The following UTS2R variants were observed in gnomAD, a reference collection of about 807,000 sequenced individuals.
UTS2R encodes the protein urotensin 2 receptor, also known as urotensin-2 receptor.
For synonymous variants in UTS2R, 335 were observed against 280.9 expected (o/e 1.19, Z -1.93); for missense variants, 653 against 562.2 (o/e 1.16, Z -1.63).
Position 82,375,459 on chromosome 17 carries a change from C to G in UTS2R, c.1135C>G (p.Arg379Gly), listed in dbSNP as rs760105832. ...CGTGCTGGCCCCAGCGGCCCCGGCC[C>G]GACCTGCGCCCGAGGGTCCCAGGGC... The part of the protein sequence containing the change: ...SLVLAPAAPA[R>G]PAPEGPRAPA The change falls in exon 3 of 3, where the codon CGA becomes GGA. Residue 379 changes from arginine to glycine, a missense_variant. By Grantham distance (125) the Arg-to-Gly change is moderately radical. Coordinates refer to ENST00000313135, the MANE Select transcript of UTS2R (RefSeq NM_018949.3). The G allele has an allele frequency of 2.6e-6, 4 of 1,515,348 alleles. No homozygotes were observed. Among genetic ancestry groups the G allele is most frequent in the Non-Finnish European group, 3.5e-6 (4 of 1,133,982 alleles). The allele number at this position is 1,515,348 out of a possible 1,614,324, so 93.9% of individuals were successfully genotyped here.
rs1255398484 is a variant in UTS2R at position 82,375,193 on chromosome 17, C to G, written c.869C>G (p.Pro290Arg). Residue 290 changes from proline (P) to arginine (R), a missense_variant, in exon 3 of 3, where the codon CCG becomes CGG. By Grantham distance (103) the Pro-to-Arg change is moderately radical. Transcript: ENST00000313135. Reference sequence around the variant, plus strand: ...CAGTACCACCAGGCCCCGCTGGCGCCGCGGACGGCGCGCATCGTCAACTAC... The same window carrying G: ...CAGTACCACCAGGCCCCGCTGGCGCGGCGGACGGCGCGCATCGTCAACTAC... The part of the protein sequence containing the change: ...LAQYHQAPLA[P>R]RTARIVNYLT... The G allele has an allele frequency of 6.4e-7, 1 of 1,561,416 alleles. No individual in the cohort carries two copies. Among genetic ancestry groups the G allele is most frequent in the African/African-American group, 1.4e-5 (1 of 72,710 alleles).
In UTS2R at chr17:82,375,347, C is replaced by G. The variant is rs200857320; in HGVS notation, c.1023C>G (p.Pro341=). Residue 341 remains proline, a synonymous_variant, in exon 3 of 3, where the codon CCC becomes CCG. Transcript: ENST00000313135. ...CGGGCAGCGGGGGAGGCCGGGGGCCCGTTCCCTCCCTGCAGCCCCGCGCCC... is the reference window on the plus strand; with the variant it reads ...CGGGCAGCGGGGGAGGCCGGGGGCCGGTTCCCTCCCTGCAGCCCCGCGCCC... ...RGPGSGGGRG[P]VPSLQPRARF... is the part of the protein sequence containing the mutation. 2 of 1,570,584 alleles carry G rather than the reference C, an allele frequency of 1.3e-6. No individual in the cohort carries two copies. Among genetic ancestry groups the G allele is most frequent in the Non-Finnish European group, 8.6e-7 (1 of 1,162,090 alleles).
At position 82,375,052 on chromosome 17, in the gene UTS2R, G is replaced by C. The variant is rs2143113752; in HGVS notation, c.728G>C (p.Arg243Pro). Reference protein sequence around the residue: ...RLARAYRRSQRASFKRARRPG... With the variant: ...RLARAYRRSQPASFKRARRPG... ...GCCCGCGCCTACCGCCGCTCGCAGCGCGCCTCCTTCAAGCGGGCCCGGCGG... is the reference window on the plus strand; with the variant it reads ...GCCCGCGCCTACCGCCGCTCGCAGCCCGCCTCCTTCAAGCGGGCCCGGCGG... The change falls in exon 3 of 3, where the codon CGC (arginine) becomes CCC (proline). Residue 243 changes from arginine (R) to proline (P), a missense_variant. Physicochemically the swap from Arg to Pro is moderately radical, Grantham distance 103. Coordinates refer to ENST00000313135, the MANE Select transcript of UTS2R (RefSeq NM_018949.3). The C allele has an allele frequency of 7.0e-7, 1 of 1,422,996 alleles. No homozygotes were observed. The highest frequency in any genetic ancestry group is 9.2e-7 in the Non-Finnish European group (1 of 1,092,610). 88.1% of individuals were successfully genotyped at this position (1,422,996 alleles called of 1,614,324 possible).
In UTS2R at chr17:82,375,244, A is replaced by T; in HGVS notation, c.920A>T (p.Asn307Ile). The part of the protein sequence containing the change: ...NYLTTCLTYG[N>I]SCANPFLYTL... ...CTGACCACCTGCCTCACCTACGGCA[A>T]CAGCTGCGCCAACCCCTTCCTCTAC... is the stretch of plus-strand genomic sequence containing the variant. Residue 307 changes from asparagine (N) to isoleucine (I), a missense_variant, in exon 3 of 3, where the codon AAC becomes ATC. Physicochemically the swap from Asn to Ile is moderately radical, Grantham distance 149 (BLOSUM62 -3). Transcript: ENST00000313135. 6.3e-7 allele frequency: 1 copy of T among 1,582,734 alleles called. No homozygotes were observed. The highest frequency in any genetic ancestry group is 2.3e-5 in the East Asian group (1 of 42,946).
At position 82,375,565 on chromosome 17, in the gene UTS2R, C is replaced by A; in HGVS notation, c.*71C>A. 1.7e-6 allele frequency: 1 copy of A among 594,222 alleles called. No homozygotes were observed. The highest frequency in any genetic ancestry group is 2.0e-5 in the African/African-American group (1 of 50,476). 36.8% of individuals were successfully genotyped at this position (594,222 alleles called of 1,614,324 possible). The stretch of plus-strand genomic sequence containing the variant: ...GCCCCAGCCACTCCCGGGAGCCCCC[C>A]CAACTCCCAAATCACAGGCCCTGCC... On this transcript the variant is annotated 3_prime_UTR_variant, in exon 3 of 3. Coordinates refer to ENST00000313135, the MANE Select transcript of UTS2R (RefSeq NM_018949.3).
rs1412378169 is a variant in UTS2R, at chr17:82,374,331, C to T, written c.7C>T (p.Leu3=). MA[L]TPESPSSFPG... The stretch of plus-strand genomic sequence containing the variant: ...CCGTCGTGAGGGGTCAGAGATGGCG[C>T]TGACCCCCGAGTCCCCGAGCAGCTT... Residue 3 remains leucine, a synonymous_variant, in exon 3 of 3, where the codon CTG becomes TTG. Coordinates refer to ENST00000313135, the MANE Select transcript of UTS2R (RefSeq NM_018949.3). The T allele has an allele frequency of 6.4e-7, 1 of 1,568,934 alleles. No homozygotes were observed. Among genetic ancestry groups the T allele is most frequent in the Non-Finnish European group, 8.6e-7 (1 of 1,165,238 alleles).
In UTS2R at chr17:82,375,058, C is replaced by T. The variant is rs199914220; in HGVS notation, c.734C>T (p.Ser245Phe). 1,414 of 1,421,024 alleles carry T rather than the reference C, an allele frequency of 1.0e-3. 11 individuals carry two copies. The Middle Eastern group carries it at 0.012, about 12-fold the overall frequency. The allele number at this position is 1,421,024 out of a possible 1,614,324, so 88.0% of individuals were successfully genotyped here. ...ARAYRRSQRA[S>F]FKRARRPGAR... ...GCCTACCGCCGCTCGCAGCGCGCCT[C>T]CTTCAAGCGGGCCCGGCGGCCGGGG... The change falls in exon 3 of 3, where the codon TCC becomes TTC. Residue 245 changes from serine (S) to phenylalanine (F), a missense_variant. Coordinates refer to ENST00000313135, the MANE Select transcript of UTS2R (RefSeq NM_018949.3).
Position 82,374,235 on chromosome 17 carries a change from C to A in UTS2R, c.-82-8C>A. The A allele has an allele frequency of 9.4e-7, 1 of 1,063,372 alleles. No homozygotes were observed. Among genetic ancestry groups the A allele is most frequent in the Non-Finnish European group, 1.3e-6 (1 of 758,612 alleles). The allele number at this position is 1,063,372 out of a possible 1,614,324, so 65.9% of individuals were successfully genotyped here. A position where few individuals can be genotyped will look rare whatever the true frequency, so the allele number is the denominator to read the frequency against. ...AAGGTGTTGCCTGATTTGCTTCTTT[C>A]CCCACAGGCTGAGCTGGTTGCCCAC... is the stretch of plus-strand genomic sequence containing the variant. On this transcript the variant is annotated splice_polypyrimidine_tract_variant and splice_region_variant and intron_variant, in intron 2 of 2. Coordinates refer to ENST00000313135, the MANE Select transcript of UTS2R (RefSeq NM_018949.3).
Position 82,374,687 on chromosome 17 carries a change from G to C in UTS2R, c.363G>C (p.Val121=), listed in dbSNP as rs202037556. The C allele has an allele frequency of 3.7e-5, 60 of 1,613,254 alleles. No homozygotes were observed. Among genetic ancestry groups the C allele is most frequent in the Non-Finnish European group, 5.0e-5 (59 of 1,179,942 alleles). The part of the protein sequence containing the change: ...YVTKEWHFGD[V]GCRVLFGLDF... Reference sequence around the variant, plus strand: ...CCAAGGAGTGGCACTTCGGGGACGTGGGCTGCCGCGTGCTCTTCGGCCTGG... The same window carrying C: ...CCAAGGAGTGGCACTTCGGGGACGTCGGCTGCCGCGTGCTCTTCGGCCTGG... Residue 121 remains valine, a synonymous_variant, in exon 3 of 3, where the codon GTG becomes GTC. Coordinates refer to ENST00000313135, the MANE Select transcript of UTS2R (RefSeq NM_018949.3).
rs181723835 is a variant in UTS2R at position 82,376,114 on chromosome 17, G to A, written c.*620G>A. Among the ~76,000 whole-genome samples the A allele has an allele frequency of 5.6e-4, 85 of 152,314 alleles. No homozygotes were observed. Among genetic ancestry groups the A allele is most frequent in the Admixed American group, 3.5e-3 (53 of 15,312 alleles). On this transcript the variant is annotated 3_prime_UTR_variant, in exon 3 of 3. Transcript: ENST00000313135. ...GGAGGGGAGGCTCCAGCTGAGGGGTGGAGCAGGGAAGGCACTGCCCAGCAG... is the reference window on the plus strand; with the variant it reads ...GGAGGGGAGGCTCCAGCTGAGGGGTAGAGCAGGGAAGGCACTGCCCAGCAG...
Position 82,374,482 on chromosome 17 carries a change from C to T in UTS2R, c.158C>T (p.Thr53Ile), listed in dbSNP as rs1158954952. 2 of 1,593,314 alleles carry T rather than the reference C, an allele frequency of 1.3e-6. No individual in the cohort carries two copies. The highest frequency in any genetic ancestry group is 1.8e-5 in the Admixed American group (1 of 56,826). ...SSLEDLVATG[T>I]IGTLLSAMGV... ...CTGGAGGACCTGGTGGCCACGGGCA[C>T]CATTGGGACTCTGCTGTCGGCCATG... The change falls in exon 3 of 3, where the codon ACC (threonine) becomes ATC (isoleucine). Residue 53 changes from threonine to isoleucine, a missense_variant. Physicochemically the swap from Thr to Ile is moderately conservative, Grantham distance 89. Transcript: ENST00000313135.
chr17:82,375,176 C>T lies in UTS2R; in HGVS notation c.852C>T (p.His284=), dbSNP rs753754226. The T allele has an allele frequency of 2.1e-5, 33 of 1,551,484 alleles. No individual in the cohort carries two copies. The highest frequency in any genetic ancestry group is 2.6e-5 in the Non-Finnish European group (30 of 1,149,456). The change falls in exon 3 of 3, where the codon CAC becomes CAT. Residue 284 remains histidine (H), a synonymous_variant. Coordinates refer to ENST00000313135, the MANE Select transcript of UTS2R (RefSeq NM_018949.3). ...FWLWQLLAQY[H]QAPLAPRTAR... is the part of the protein sequence containing the mutation. Reference sequence around the variant, plus strand: ...TGTGGCAGCTGCTCGCCCAGTACCACCAGGCCCCGCTGGCGCCGCGGACGG... The same window carrying T: ...TGTGGCAGCTGCTCGCCCAGTACCATCAGGCCCCGCTGGCGCCGCGGACGG...
At chr17:82,372,121 T>A (rs1195465983) in intron 1 of UTS2R, among the ~76,000 whole-genome samples, 74 bp downstream of exon 1, 1 of 151,958 alleles carries the variant, frequency 6.6e-6, no homozygotes, top group Non-Finnish European at 1.5e-5. Context: ...TCCGCAGGGC[T>A]GGGCCGGGGT....
rs35373706 is a variant in UTS2R at position 82,373,832 on chromosome 17, C to G, written c.-82-411C>G. Among the ~76,000 whole-genome samples the G allele has an allele frequency of 7.5e-4, 114 of 152,242 alleles. 1 individual carries two copies. The highest frequency in any genetic ancestry group is 2.7e-3 in the African/African-American group (114 of 41,550). ...TTTAAATGTACAAGTCAAATAAATACGAGAAAGGACTCAGGAGTAAGTGGG... is the reference window on the plus strand; with the variant it reads ...TTTAAATGTACAAGTCAAATAAATAGGAGAAAGGACTCAGGAGTAAGTGGG... On this transcript the variant is annotated intron_variant, in intron 2 of 2. Coordinates refer to ENST00000313135, the MANE Select transcript of UTS2R (RefSeq NM_018949.3).
At position 82,377,269 on chromosome 17, in the gene UTS2R, C is replaced by G. The variant is rs1049660351; in HGVS notation, c.*1775C>G. Among the ~76,000 whole-genome samples, 1 of 152,122 alleles carries G rather than the reference C, an allele frequency of 6.6e-6. No homozygotes were observed. Among genetic ancestry groups the G allele is most frequent in the Admixed American group, 6.5e-5 (1 of 15,280 alleles). On this transcript the variant is annotated 3_prime_UTR_variant, in exon 3 of 3. Transcript: ENST00000313135. Reference sequence around the variant, plus strand: ...GTTAAACAGATGCTTGAAGGCAGCACGCTCGTTAGGAGTCATCACCACTCC... The same window carrying G: ...GTTAAACAGATGCTTGAAGGCAGCAGGCTCGTTAGGAGTCATCACCACTCC...
chr17:82,375,344 G>T lies in UTS2R; in HGVS notation c.1020G>T (p.Gly340=), dbSNP rs202005375. ...GCCCGGGCAGCGGGGGAGGCCGGGG[G>T]CCCGTTCCCTCCCTGCAGCCCCGCG... ...VRGPGSGGGR[G]PVPSLQPRAR... Residue 340 remains glycine, a synonymous_variant, in exon 3 of 3, where the codon GGG becomes GGT. Transcript: ENST00000313135. 1 of 1,566,682 alleles carries T rather than the reference G, an allele frequency of 6.4e-7. No individual in the cohort carries two copies. The highest frequency in any genetic ancestry group is 8.6e-7 in the Non-Finnish European group (1 of 1,159,792).
At position 82,375,168 on chromosome 17, in the gene UTS2R, C is replaced by G. The variant is rs577182190; in HGVS notation, c.844C>G (p.Gln282Glu). 1.3e-6 allele frequency: 2 copies of G among 1,546,762 alleles called. No individual in the cohort carries two copies. The highest frequency in any genetic ancestry group is 1.7e-6 in the Non-Finnish European group (2 of 1,146,924). The change falls in exon 3 of 3, where the codon CAG (glutamine) becomes GAG (glutamate). Residue 282 changes from glutamine to glutamate, a missense_variant. Physicochemically the swap from Gln to Glu is conservative, Grantham distance 29. Transcript: ENST00000313135. ...CTTCTGGCTGTGGCAGCTGCTCGCC[C>G]AGTACCACCAGGCCCCGCTGGCGCC... is the stretch of plus-strand genomic sequence containing the variant. The part of the protein sequence containing the change: ...LPFWLWQLLA[Q>E]YHQAPLAPRT...
At position 82,375,359 on chromosome 17, in the gene UTS2R, G is replaced by A. The variant is rs1386594346; in HGVS notation, c.1035G>A (p.Leu345=). The A allele has an allele frequency of 6.3e-7, 1 of 1,576,738 alleles. No homozygotes were observed. Among genetic ancestry groups the A allele is most frequent in the Non-Finnish European group, 8.6e-7 (1 of 1,166,342 alleles). The change falls in exon 3 of 3, where the codon CTG becomes CTA. Residue 345 remains leucine, a synonymous_variant. Coordinates refer to ENST00000313135, the MANE Select transcript of UTS2R (RefSeq NM_018949.3). ...GAGGCCGGGGGCCCGTTCCCTCCCT[G>A]CAGCCCCGCGCCCGCTTCCAGCGCT... is the stretch of plus-strand genomic sequence containing the variant. ...SGGGRGPVPS[L]QPRARFQRCS... is the part of the protein sequence containing the mutation.
chr17:82,374,237 C>T lies in UTS2R; in HGVS notation c.-82-6C>T, dbSNP rs1247886417. ...GGTGTTGCCTGATTTGCTTCTTTCC[C>T]CACAGGCTGAGCTGGTTGCCCACAG... On this transcript the variant is annotated splice_polypyrimidine_tract_variant and splice_region_variant and intron_variant, in intron 2 of 2. Transcript: ENST00000313135. The T allele has an allele frequency of 3.7e-6, 4 of 1,091,282 alleles. No individual in the cohort carries two copies. The African/African-American group carries it at 4.7e-5, about 13-fold the overall frequency. 67.6% of individuals were successfully genotyped at this position (1,091,282 alleles called of 1,614,324 possible). A position where few individuals can be genotyped will look rare whatever the true frequency, so the allele number is the denominator to read the frequency against.
Sources: gnomAD v4.1 joint callset for allele counts (sites outside exome capture counted in the v4.1 genomes callset) on GRCh38, gnomAD v4.1.1 for gene constraint, MANE v1.5 for transcripts, NCBI Gene and HGNC (gene_info 2026-07-23, HGNC 2026-07-21) for gene names.